ACOXL: variants seen among roughly 807,000 people sequenced by gnomAD.
ACOXL encodes acyl-CoA oxidase like, also known as acyl-coenzyme A oxidase-like protein.
Under a neutral mutation model 71.9 loss-of-function variants are expected in ACOXL, and 70 were observed. That is an observed-to-expected ratio of 0.97 (90% confidence interval 0.80 to 1.19). ACOXL has a LOEUF of 1.19. Ranked by LOEUF, ACOXL falls within the 50% of genes most tolerant of loss-of-function variation. The probability of loss-of-function intolerance (pLI) is 0.00; values close to 1 mark genes in which losing one functional copy is unlikely to be tolerated. For synonymous variants in ACOXL, 253 were observed against 281.6 expected, an observed-to-expected ratio of 0.90 and a Z score of 1.02; for missense variants, 703 against 736.3, an observed-to-expected ratio of 0.95 and a Z score of 0.52.
At chr2:110,813,685 C>T (rs780542381) in intron 9 of ACOXL, among the ~76,000 whole-genome samples, 2 of 152,200 alleles carry the variant, frequency 1.3e-5, no homozygotes, top group Non-Finnish European at 2.9e-5. Flanking sequence ...TTTTCCCTCA[C>T]TCCACAGCTC....
In ACOXL at chr2:111,013,900, G is replaced by A. The variant is rs550783918; in HGVS notation, c.1282-17727G>A. On this transcript the variant is annotated intron_variant, in intron 14 of 17. Coordinates refer to ENST00000439055, the MANE Select transcript of ACOXL (RefSeq NM_001142807.4). Reference sequence around the variant, plus strand: ...ACATAATAGAATACATCATAACAAAGTAGTGTTTATTATAAGAATGCGAGG... The same window carrying A: ...ACATAATAGAATACATCATAACAAAATAGTGTTTATTATAAGAATGCGAGG... 1.1e-4 allele frequency among the ~76,000 whole-genome samples: 16 copies of A among 152,252 alleles called. No homozygotes were observed. In the South Asian group the frequency reaches 3.3e-3, roughly 32 times the overall value.
chr2:110,886,644 G>A lies in ACOXL; in HGVS notation c.789-22145G>A, dbSNP rs186712938. 699 of 1,135,162 alleles carry A rather than the reference G, an allele frequency of 6.2e-4. 1 individual carries two copies. The highest frequency in any genetic ancestry group is 7.7e-4 in the Non-Finnish European group (620 of 803,794). The allele number at this position is 1,135,162 out of a possible 1,614,324, so 70.3% of individuals were successfully genotyped here. On this transcript the variant is annotated intron_variant, in intron 10 of 17. Coordinates refer to ENST00000439055, the MANE Select transcript of ACOXL (RefSeq NM_001142807.4). ...TCCACCCACCTCGGCTTCTCAAAAT[G>A]CTGGGATTACAGGCTTGAGCCACTG...
chr2:110,933,679 C>T lies in ACOXL; in HGVS notation c.1059+37C>T, dbSNP rs191984987. ...GGCCTGCAGCCCCCGTGGGTCCCCA[C>T]GATACAACCCACACTGGGGGAGCAC... On this transcript the variant is annotated intron_variant, in intron 12 of 17. Transcript: ENST00000439055. 3,027 of 1,579,474 alleles carry T rather than the reference C, an allele frequency of 1.9e-3. 5 individuals carry two copies. The highest frequency in any genetic ancestry group is 2.4e-3 in the Non-Finnish European group (2,810 of 1,161,898).
intron 14 of ACOXL, among the ~76,000 whole-genome samples, chr2:111,025,688 A>G (rs985536332): frequency 6.6e-6 from 1 of 152,218 alleles, no homozygotes; most frequent in African/African-American, 2.4e-5. Flanking sequence ...AGATGTCTTT[A>G]CAAATTCTGT....
At chr2:111,045,691 G>A (rs1294879548) in intron 15 of ACOXL, among the ~76,000 whole-genome samples, 3 of 152,154 alleles carry the variant, frequency 2.0e-5, no homozygotes, top group Non-Finnish European at 4.4e-5. Context: ...GGGGTGAGGG[G>A]AGAGAGAAAC....
chr2:110,809,079 C>G (rs1239685726), intron 9 of ACOXL, among the ~76,000 whole-genome samples: 2 of 152,248 alleles, frequency 1.3e-5, no homozygotes, highest in Non-Finnish European at 2.9e-5. Context: ...CTCCCACATA[C>G]CAGCCCCCAC....
At chr2:110,888,445 T>C (rs1697576337) in intron 10 of ACOXL, among the ~76,000 whole-genome samples, 1 of 152,208 alleles carries the variant, frequency 6.6e-6, no homozygotes, top group East Asian at 1.9e-4. Context: ...TGTTGCTCCA[T>C]AAATCCTCAT....
chr2:110,846,641 G>GCGCACACACACACACACACACACA (rs148602789), intron 10 of ACOXL, among the ~76,000 whole-genome samples: 20 of 138,032 alleles, frequency 1.4e-4, no homozygotes, highest in Admixed American at 7.2e-4. Context: ...ATGCATACAC[G>GCGCACACACACACACACACACACA]CACACACACA....
At chr2:111,072,752 G>T (rs935140860) in intron 16 of ACOXL, among the ~76,000 whole-genome samples, 1 of 152,154 alleles carries the variant, frequency 6.6e-6, no homozygotes, top group African/African-American at 2.4e-5. Context: ...CAATCAAAAT[G>T]TCTGCAGACA....
intron 1 of ACOXL, among the ~76,000 whole-genome samples, chr2:110,734,781 T>C (rs1458177005): frequency 6.6e-6 from 1 of 152,098 alleles, no homozygotes; most frequent in African/African-American, 2.4e-5. Flanking sequence ...CAGAAGGGAC[T>C]TCCTTGTGAA....
In ACOXL at chr2:111,003,028, T is replaced by A. The variant is rs189688723; in HGVS notation, c.1281+7024T>A. The stretch of plus-strand genomic sequence containing the variant: ...AGGTCCATTGTAAAATATCTACCTT[T>A]AATTTTATTTTCAGCATGAAATTAG... On this transcript the variant is annotated intron_variant, in intron 14 of 17. Transcript: ENST00000439055. Among the ~76,000 whole-genome samples the A allele has an allele frequency of 3.8e-4, 58 of 152,348 alleles. 1 individual carries two copies. The East Asian group carries it at 0.011, about 28-fold the overall frequency.
At chr2:110,733,681 A>G (rs1456613162) in intron 1 of ACOXL, among the ~76,000 whole-genome samples, 1 of 152,018 alleles carries the variant, frequency 6.6e-6, no homozygotes, top group Non-Finnish European at 1.5e-5. Context: ...GTCCTTGGAG[A>G]ATCTGGGGTT....
At chr2:111,000,928 A>G (rs919129175) in intron 14 of ACOXL, among the ~76,000 whole-genome samples, 1 of 152,240 alleles carries the variant, frequency 6.6e-6, no homozygotes, top group Non-Finnish European at 1.5e-5. Context: ...TAACCATATC[A>G]GCAGACAGTG....
chr2:110,784,274 T>C (rs555721536), intron 2 of ACOXL, among the ~76,000 whole-genome samples: 1 of 150,858 alleles, frequency 6.6e-6, no homozygotes, highest in Admixed American at 6.6e-5. Flanking sequence ...AAAAAAAGAT[T>C]GTCAACAGAG....
chr2:110,901,400 G>T (rs1403639878), intron 10 of ACOXL, among the ~76,000 whole-genome samples: 2 of 152,074 alleles, frequency 1.3e-5, no homozygotes, highest in East Asian at 3.9e-4. Flanking sequence ...ATATTCCCGT[G>T]TTTAAAAATT....
chr2:110,925,738 T>C (rs1364173398), intron 11 of ACOXL, among the ~76,000 whole-genome samples: 1 of 152,182 alleles, frequency 6.6e-6, no homozygotes, highest in Admixed American at 6.5e-5. Flanking sequence ...TTTAATTTCC[T>C]TCAAGAACTT....
chr2:110,788,816 C>G (rs1031012025), intron 3 of ACOXL, among the ~76,000 whole-genome samples: 1 of 152,158 alleles, frequency 6.6e-6, no homozygotes, highest in African/African-American at 2.4e-5. Context: ...CCATGGCTGT[C>G]TTTTCTATTG....
At chr2:111,020,495 A>G (rs2064700147) in intron 14 of ACOXL, among the ~76,000 whole-genome samples, 1 of 152,166 alleles carries the variant, frequency 6.6e-6, no homozygotes, top group African/African-American at 2.4e-5. Flanking sequence ...TCTGGTGGAG[A>G]GAATTGCATG....
chr2:111,024,817 C>T (rs1376490316), intron 14 of ACOXL, among the ~76,000 whole-genome samples: 1 of 151,338 alleles, frequency 6.6e-6, no homozygotes, highest in African/African-American at 2.4e-5. Context: ...CATGTCTAAC[C>T]CTAGCGGCTA....
Sources: allele counts gnomAD v4.1 joint callset (sites outside exome capture counted in the v4.1 genomes callset), GRCh38; gene constraint gnomAD v4.1.1; transcripts MANE v1.5; gene names NCBI Gene and HGNC (gene_info 2026-07-23, HGNC 2026-07-21).